Variants in TMCO5A observed in about 807,000 individuals in gnomAD.
The protein encoded by TMCO5A is transmembrane and coiled-coil domain-containing protein 5A.
A neutral mutation model predicts 42.3 loss-of-function variants in TMCO5A; 34 were observed. The observed-to-expected ratio is 0.80, with a 90% CI of 0.61 to 1.07. The LOEUF is 1.07. Among genes scored for constraint, TMCO5A ranks in the 50% least tolerant of loss-of-function variants. TMCO5A has a pLI of 0.00. For synonymous variants in TMCO5A, 131 were observed against 115.6 expected, an observed-to-expected ratio of 1.13 and a Z score of -0.86; for missense variants, 357 against 327.9, an observed-to-expected ratio of 1.09 and a Z score of -0.69.
chr15:37,999,723 GT>G, the TMCO5A span, among the ~76,000 whole-genome samples: 1 of 151,942 alleles, frequency 6.6e-6, no homozygotes, highest in South Asian at 2.1e-4. Context: ...TTTTTTAAGG[GT>G]TTTTTTCATA....
At chr15:37,945,383 A>G (rs1226188971) in intron 10 of TMCO5A, among the ~76,000 whole-genome samples, 2 of 152,122 alleles carry the variant, frequency 1.3e-5, no homozygotes, top group African/African-American at 2.4e-5. Flanking sequence ...TCCTTTGGGT[A>G]TATACCCAGT....
At chr15:38,024,076 A>T in the TMCO5A span, among the ~76,000 whole-genome samples, 1 of 152,188 alleles carries the variant, frequency 6.6e-6, no homozygotes, top group Non-Finnish European at 1.5e-5. Flanking sequence ...CTCACATCCT[A>T]ATGTACAGCT....
chr15:38,037,381 C>A, the TMCO5A span, among the ~76,000 whole-genome samples: 1 of 152,174 alleles, frequency 6.6e-6, no homozygotes, highest in African/African-American at 2.4e-5. Flanking sequence ...TAGCTCATTT[C>A]TGTTTGGGTC....
At chr15:37,979,904 C>T in the TMCO5A span, among the ~76,000 whole-genome samples, 1 of 152,158 alleles carries the variant, frequency 6.6e-6, no homozygotes, top group Admixed American at 6.5e-5. Context: ...ACATGGAAAA[C>T]AGTCTGGCCA....
the TMCO5A span, among the ~76,000 whole-genome samples, chr15:37,987,585 C>T: frequency 6.2e-4 from 94 of 152,028 alleles, no homozygotes; most frequent in Non-Finnish European, 1.1e-3. Context: ...GCAATGTGGT[C>T]ATACAGTTTA....
chr15:38,040,137 A>G, the TMCO5A span: 1 of 152,284 alleles, frequency 6.6e-6, no homozygotes, highest in African/African-American at 2.4e-5. Context: ...CCAGAGCCCT[A>G]TGTAATGTAA....
At chr15:37,958,076 T>C (rs533226425) in intron 11 of TMCO5A, among the ~76,000 whole-genome samples, 2 of 152,262 alleles carry the variant, frequency 1.3e-5, no homozygotes, top group South Asian at 2.1e-4. Context: ...TTACACCTTA[T>C]ACAAAAATTA....
intron 10 of TMCO5A, among the ~76,000 whole-genome samples, chr15:37,946,622 A>C (rs1889970046): frequency 6.6e-6 from 1 of 151,906 alleles, no homozygotes; most frequent in South Asian, 2.1e-4. Flanking sequence ...TTTTTGTAGC[A>C]ACTGTGAATG....
chr15:38,029,368 CA>C, the TMCO5A span, among the ~76,000 whole-genome samples: 1 of 1,176 alleles, frequency 8.5e-4, no homozygotes, highest in Non-Finnish European at 1.6e-3. Flanking sequence ...ATGAATACAC[CA>C]CACACACACA....
chr15:37,995,922 C>T, the TMCO5A span, among the ~76,000 whole-genome samples: 1 of 152,074 alleles, frequency 6.6e-6, no homozygotes, highest in Non-Finnish European at 1.5e-5. Context: ...AAAAATCGCC[C>T]TTCTCAGTCT....
At chr15:37,967,969 G>A (rs1419672713), downstream of TMCO5A, among the ~76,000 whole-genome samples, 1 of 152,174 alleles carries the variant, frequency 6.6e-6, no homozygotes, top group Admixed American at 6.5e-5. Flanking sequence ...AGACACTTGT[G>A]ATAATAGAAA....
At chr15:37,964,691 C>T (rs184037957) in intron 11 of TMCO5A, among the ~76,000 whole-genome samples, 206 of 151,916 alleles carry the variant, frequency 1.4e-3, no homozygotes, top group Admixed American at 2.8e-3. Flanking sequence ...AATTAAATAT[C>T]TAGGAATTAA....
At chr15:37,941,537 C>A in intron 7 of TMCO5A, 134 bp from the exon 8 acceptor site, 2 of 741,096 alleles carry the variant, frequency 2.7e-6, no homozygotes, top group East Asian at 2.6e-5. Flanking sequence ...TTTATCTGTA[C>A]AGCAAAAAAG....
chr15:37,946,766 G>T (rs748737229), intron 10 of TMCO5A, among the ~76,000 whole-genome samples: 3 of 152,036 alleles, frequency 2.0e-5, no homozygotes, highest in Non-Finnish European at 4.4e-5. Context: ...AGATGATGGG[G>T]TTTTCTAGAT....
intron 11 of TMCO5A, among the ~76,000 whole-genome samples, chr15:37,958,962 C>T (rs10444814): frequency 0.067 from 10,266 of 152,120 alleles, 461 homozygotes; most frequent in Non-Finnish European, 0.1. Context: ...AGTTCATGTA[C>T]TTTGCAGGGC....
At chr15:38,025,655 T>A in the TMCO5A span, among the ~76,000 whole-genome samples, 1 of 152,176 alleles carries the variant, frequency 6.6e-6, no homozygotes, top group Non-Finnish European at 1.5e-5. Flanking sequence ...TTTTTCCTAA[T>A]CTCTCAGTCT....
At chr15:37,966,790 ACAGT>A in exon 12 of TMCO5A, 1 of 682,070 alleles carries the variant, frequency 1.5e-6, no homozygotes, top group Non-Finnish European at 2.7e-6. Context: ...ACCCTGTCCC[ACAGT>A]CAATGTGGCC....
downstream of TMCO5A, among the ~76,000 whole-genome samples, chr15:37,952,219 G>C (rs557986313): frequency 6.6e-6 from 1 of 152,156 alleles, no homozygotes; most frequent in South Asian, 2.1e-4. Flanking sequence ...CAGTGGACTT[G>C]GCAGGGAGTG....
the TMCO5A span, among the ~76,000 whole-genome samples, chr15:37,983,555 C>G: frequency 1.3e-5 from 2 of 152,260 alleles, no homozygotes; most frequent in East Asian, 1.9e-4. Flanking sequence ...TATAGAAGAA[C>G]TAGGCACCAG....
Sources: gnomAD v4.1 joint callset for allele counts (sites outside exome capture counted in the v4.1 genomes callset) on GRCh38, gnomAD v4.1.1 for gene constraint, MANE v1.5 for transcripts, NCBI Gene and HGNC (gene_info 2026-07-23, HGNC 2026-07-21) for gene names.